Variants in NCKAP5 observed in about 807,000 individuals in gnomAD.
The protein encoded by NCKAP5 is NCK associated protein 5.
NCKAP5 carries 92 observed loss-of-function variants against 167.0 expected under a neutral mutation model. That is an observed-to-expected ratio of 0.55 (90% CI 0.47 to 0.66). NCKAP5 has a LOEUF of 0.66. NCKAP5 is among the 30% of genes least tolerant of loss of function. NCKAP5 has a pLI of 0.00. For synonymous variants in NCKAP5, 891 were observed against 877.4 expected, an observed-to-expected ratio of 1.02 and a Z score of -0.27; for missense variants, 2,378 against 2,315.0, an observed-to-expected ratio of 1.03 and a Z score of -0.56.
chr2:133,338,374 A>G (rs1683352416), intron 3 of NCKAP5, among the ~76,000 whole-genome samples: 1 of 152,226 alleles, frequency 6.6e-6, no homozygotes, highest in Non-Finnish European at 1.5e-5. Flanking sequence ...TAGTAACAGA[A>G]TGTAGTAAGT....
At chr2:132,801,976 C>T (rs1354555343) in intron 11 of NCKAP5, among the ~76,000 whole-genome samples, 2 of 152,188 alleles carry the variant, frequency 1.3e-5, no homozygotes, top group Admixed American at 6.5e-5. Context: ...CGGGGTTTCA[C>T]CATGTTGGCC....
At chr2:132,873,541 T>G (rs1387611079) in intron 9 of NCKAP5, among the ~76,000 whole-genome samples, 7 of 152,246 alleles carry the variant, frequency 4.6e-5, no homozygotes, top group African/African-American at 1.7e-4. Flanking sequence ...AGCATCTGTA[T>G]TATTCATTTA....
intron 5 of NCKAP5, among the ~76,000 whole-genome samples, chr2:133,176,133 G>T (rs1037010052): frequency 6.6e-6 from 1 of 152,194 alleles, no homozygotes; most frequent in Non-Finnish European, 1.5e-5. Flanking sequence ...AAGGGTGCAG[G>T]TGTGGAATAG....
chr2:133,017,207 T>C (rs1018426988), intron 6 of NCKAP5, among the ~76,000 whole-genome samples: 4 of 152,256 alleles, frequency 2.6e-5, no homozygotes, highest in African/African-American at 9.6e-5. Flanking sequence ...TATGTTATTT[T>C]CTTTGTTCTT....
chr2:133,290,256 A>G, intron 4 of NCKAP5, among the ~76,000 whole-genome samples: 1 of 152,332 alleles, frequency 6.6e-6, no homozygotes, highest in South Asian at 2.1e-4. Context: ...TGGAAAAAAA[A>G]ACACACAATA....
intron 3 of NCKAP5, among the ~76,000 whole-genome samples, chr2:133,385,724 A>C (rs1398824059): frequency 6.6e-6 from 1 of 151,942 alleles, no homozygotes; most frequent in Non-Finnish European, 1.5e-5. Flanking sequence ...TCAATTTCAG[A>C]GCCTGTTATT....
intron 13 of NCKAP5, among the ~76,000 whole-genome samples, chr2:132,789,093 G>T (rs896699586): frequency 6.6e-6 from 1 of 152,094 alleles, no homozygotes; most frequent in Non-Finnish European, 1.5e-5. Context: ...GATTGCCTTA[G>T]AACATCAAAA....
chr2:133,012,990 G>GCCAGAT (rs2078215417), intron 6 of NCKAP5, among the ~76,000 whole-genome samples: 2 of 152,248 alleles, frequency 1.3e-5, no homozygotes, highest in South Asian at 4.1e-4. Flanking sequence ...ATCTGGTACT[G>GCCAGAT]TCTGCCAGCC....
At chr2:132,876,311 C>T (rs1375083384) in intron 9 of NCKAP5, among the ~76,000 whole-genome samples, 12 of 151,946 alleles carry the variant, frequency 7.9e-5, no homozygotes, top group Non-Finnish European at 1.2e-4. Context: ...TTGCCCAGAC[C>T]GGTCTTAAAC....
intron 19 of NCKAP5, among the ~76,000 whole-genome samples, chr2:132,697,014 A>G (rs1687383800): frequency 6.9e-6 from 1 of 144,212 alleles, no homozygotes; most frequent in Admixed American, 7.1e-5. Flanking sequence ...CAGCCTCCCA[A>G]ATAGTTGGGA....
chr2:133,082,958 C>A (rs1218994820), intron 6 of NCKAP5, among the ~76,000 whole-genome samples: 1 of 152,114 alleles, frequency 6.6e-6, no homozygotes, highest in African/African-American at 2.4e-5. Context: ...CTAGGGCCAG[C>A]ATTCCTCCCC....
chr2:132,777,547 GA>G (rs1327867376), intron 15 of NCKAP5, among the ~76,000 whole-genome samples: 1 of 152,054 alleles, frequency 6.6e-6, no homozygotes, highest in African/African-American at 2.4e-5. Flanking sequence ...ATTTGAAAAG[GA>G]AAAGAACATA....
intron 11 of NCKAP5, among the ~76,000 whole-genome samples, chr2:132,820,911 G>C (rs1429423669): frequency 6.6e-6 from 1 of 152,110 alleles, no homozygotes; most frequent in African/African-American, 2.4e-5. Context: ...TGATAAGTGA[G>C]GCAACATAAA....
At chr2:133,206,454 C>G (rs1427921856) in intron 5 of NCKAP5, among the ~76,000 whole-genome samples, 1 of 152,134 alleles carries the variant, frequency 6.6e-6, no homozygotes, top group Non-Finnish European at 1.5e-5. Context: ...GGACATTTAT[C>G]ACTTCCCTAA....
At chr2:133,129,834 C>CT in intron 6 of NCKAP5, 144 bp downstream of exon 6, 1 of 904,288 alleles carries the variant, frequency 1.1e-6, no homozygotes. Context: ...TAGGATGCTT[C>CT]AGTCAGAACA....
intron 6 of NCKAP5, among the ~76,000 whole-genome samples, chr2:133,125,378 G>C (rs1281192378): frequency 6.6e-6 from 1 of 152,100 alleles, no homozygotes; most frequent in Non-Finnish European, 1.5e-5. Flanking sequence ...TCCAAACAGT[G>C]ATTGTCTTTA....
At chr2:132,890,539 A>C (rs1692612244) in intron 8 of NCKAP5, among the ~76,000 whole-genome samples, 2 of 152,176 alleles carry the variant, frequency 1.3e-5, no homozygotes, top group South Asian at 4.1e-4. Flanking sequence ...CTGTTTAAAA[A>C]CATCCTGAGG....
chr2:132,755,732 G>A (rs1025365888), intron 16 of NCKAP5, among the ~76,000 whole-genome samples: 2 of 151,810 alleles, frequency 1.3e-5, no homozygotes, highest in Non-Finnish European at 2.9e-5. Flanking sequence ...AGGAGGCTAA[G>A]GCAGGAGAAT....
At chr2:133,637,476 C>CAAAAAAAAAAAAAA in the NCKAP5 span, among the ~76,000 whole-genome samples, 22 of 31,664 alleles carry the variant, frequency 6.9e-4, 1 homozygote, top group South Asian at 5.0e-3. Flanking sequence ...TGGTATTTTC[C>CAAAAAAAAAAAAAA]AAAAAAAAAA....
Sources: gnomAD v4.1 joint callset for allele counts (sites outside exome capture counted in the v4.1 genomes callset) on GRCh38, gnomAD v4.1.1 for gene constraint, MANE v1.5 for transcripts, NCBI Gene and HGNC (gene_info 2026-07-23, HGNC 2026-07-21) for gene names.